Variants in CCDC178 observed in about 807,000 individuals in gnomAD.
CCDC178 encodes coiled-coil domain containing 178.
Under a neutral mutation model 117.4 loss-of-function variants are expected in CCDC178, and 126 were observed. That is an observed-to-expected ratio of 1.07 (90% CI 0.93 to 1.24). The LOEUF is 1.24. Among genes scored for constraint, CCDC178 ranks in the 50% most tolerant of loss-of-function variants. The pLI is 0.00. For synonymous variants in CCDC178, 283 were observed against 313.4 expected (o/e 0.90, Z 1.02); for missense variants, 1,030 against 986.9 (o/e 1.04, Z -0.59).
At chr18:33,071,726 T>C (rs1232153195) in intron 21 of CCDC178, among the ~76,000 whole-genome samples, 2 of 152,176 alleles carry the variant, frequency 1.3e-5, no homozygotes, top group Non-Finnish European at 2.9e-5. Flanking sequence ...CGTGCTTGAA[T>C]GTTCAACCAA....
chr18:33,148,573 C>T (rs944612132), intron 20 of CCDC178, among the ~76,000 whole-genome samples: 7 of 152,086 alleles, frequency 4.6e-5, no homozygotes, highest in Admixed American at 6.5e-5. Context: ...ATTTCAAGAT[C>T]TCAGAATTCC....
intron 5 of CCDC178, among the ~76,000 whole-genome samples, chr18:33,382,553 T>C (rs752418821): frequency 5.9e-5 from 9 of 152,056 alleles, no homozygotes; most frequent in Non-Finnish European, 1.0e-4. Context: ...AGAAGCAGGG[T>C]GGAGTGTTGC....
intron 20 of CCDC178, among the ~76,000 whole-genome samples, chr18:33,157,988 G>C (rs557785623): frequency 2.0e-5 from 3 of 152,168 alleles, no homozygotes; most frequent in Non-Finnish European, 4.4e-5. Flanking sequence ...GATTTGGAAT[G>C]CTCACTTATC....
chr18:33,379,139 CAT>C (rs201039050), intron 5 of CCDC178, among the ~76,000 whole-genome samples: 1,171 of 8,298 alleles, frequency 0.14, 23 homozygotes, highest in East Asian at 0.48. Context: ...TATATATTTC[CAT>C]ATATATATAA....
chr18:33,021,422 G>A (rs1225081525), intron 21 of CCDC178, among the ~76,000 whole-genome samples: 1 of 152,122 alleles, frequency 6.6e-6, no homozygotes, highest in African/African-American at 2.4e-5. Context: ...AACAGGCCAG[G>A]CATGGTGGCT....
intron 11 of CCDC178, among the ~76,000 whole-genome samples, chr18:33,299,528 C>CACACAG (rs1352012501): frequency 6.6e-6 from 1 of 151,538 alleles, no homozygotes; most frequent in African/African-American, 2.4e-5. Context: ...CACACACACA[C>CACACAG]ACACACTCAG....
At chr18:33,144,296 T>C (rs113857645) in intron 20 of CCDC178, among the ~76,000 whole-genome samples, 35 of 152,218 alleles carry the variant, frequency 2.3e-4, no homozygotes, top group African/African-American at 5.8e-4. Flanking sequence ...ATGTCATTTG[T>C]GATTTTACTT....
chr18:33,397,789 G>A (rs1311996557), intron 3 of CCDC178, among the ~76,000 whole-genome samples: 1 of 151,996 alleles, frequency 6.6e-6, no homozygotes, highest in Non-Finnish European at 1.5e-5. Flanking sequence ...AGACAGCATT[G>A]CCAACACCAA....
intron 21 of CCDC178, among the ~76,000 whole-genome samples, chr18:33,035,898 T>A (rs1441902956): frequency 6.6e-6 from 1 of 152,024 alleles, no homozygotes; most frequent in African/African-American, 2.4e-5. Context: ...AGGAAAATAT[T>A]CTGACTTTTT....
At chr18:33,203,926 G>A (rs1366738483) in intron 20 of CCDC178, among the ~76,000 whole-genome samples, 8 of 152,046 alleles carry the variant, frequency 5.3e-5, no homozygotes, top group East Asian at 1.9e-4. Context: ...TCTATCCAAC[G>A]TGGATTTTCA....
chr18:33,407,105 T>A (rs185323436), intron 3 of CCDC178, among the ~76,000 whole-genome samples: 271 of 152,264 alleles, frequency 1.8e-3, no homozygotes, highest in African/African-American at 6.3e-3. Context: ...AATTCTTTAA[T>A]CTGGAGCAGA....
chr18:33,391,123 A>G (rs1039580776), intron 4 of CCDC178, among the ~76,000 whole-genome samples: 2 of 151,390 alleles, frequency 1.3e-5, no homozygotes, highest in African/African-American at 4.8e-5. Context: ...AACCAAATAT[A>G]AAATAATACA....
chr18:33,191,712 C>T (rs186066431), intron 20 of CCDC178, among the ~76,000 whole-genome samples: 1 of 151,932 alleles, frequency 6.6e-6, no homozygotes, highest in African/African-American at 2.4e-5. Flanking sequence ...TATGCCTTGT[C>T]ATCTGTACTT....
chr18:33,281,097 T>TACA (rs2060020002), intron 12 of CCDC178, among the ~76,000 whole-genome samples: 2 of 145,584 alleles, frequency 1.4e-5, no homozygotes, highest in Non-Finnish European at 3.0e-5. Flanking sequence ...AAACTTAAAG[T>TACA]ATAATAATAA....
intron 12 of CCDC178, 114 bp downstream of exon 12, chr18:33,293,045 T>C (rs776909934): frequency 1.8e-5 from 12 of 650,530 alleles, no homozygotes; most frequent in Middle Eastern, 9.2e-4. Flanking sequence ...TACAGGCAAA[T>C]TGGCTAAATA....
chr18:33,065,528 C>T (rs1255266459), intron 21 of CCDC178, among the ~76,000 whole-genome samples: 8 of 152,090 alleles, frequency 5.3e-5, no homozygotes, highest in Non-Finnish European at 1.2e-4. Context: ...GAAAAAATAG[C>T]TGAAAACTTC....
At chr18:33,252,027 G>T (rs1473726217) in intron 14 of CCDC178, among the ~76,000 whole-genome samples, 1 of 151,744 alleles carries the variant, frequency 6.6e-6, no homozygotes, top group Non-Finnish European at 1.5e-5. Flanking sequence ...ATGTAGTAAG[G>T]ATGATAGTTT....
intron 21 of CCDC178, among the ~76,000 whole-genome samples, chr18:33,066,432 T>C (rs1425711184): frequency 6.6e-6 from 1 of 152,088 alleles, no homozygotes; most frequent in Non-Finnish European, 1.5e-5. Flanking sequence ...AAAGAAAAGA[T>C]ATATAACACA....
intron 11 of CCDC178, among the ~76,000 whole-genome samples, chr18:33,321,972 C>G (rs1052558715): frequency 5.9e-5 from 9 of 151,760 alleles, no homozygotes; most frequent in Non-Finnish European, 1.0e-4. Flanking sequence ...AAAGCTAGTA[C>G]AACTGTATTC....
Sources: gnomAD v4.1 joint callset for allele counts (sites outside exome capture counted in the v4.1 genomes callset) on GRCh38, gnomAD v4.1.1 for gene constraint, MANE v1.5 for transcripts, NCBI Gene and HGNC (gene_info 2026-07-23, HGNC 2026-07-21) for gene names.